Variants in DNAAF11 observed in about 807,000 individuals in gnomAD.
DNAAF11 encodes the protein dynein axonemal assembly factor 11, also known as leucine rich repeat containing 6.
A neutral mutation model predicts 60.8 loss-of-function variants in DNAAF11; 45 were observed. The ratio of observed to expected loss-of-function variants is 0.74; its 90% CI spans 0.58 to 0.95. The LOEUF (loss-of-function observed/expected upper bound fraction) is 0.95, where lower values mean the gene tolerates loss of function less well. Among genes scored for constraint, DNAAF11 ranks in the 40% least tolerant of loss-of-function variants. DNAAF11 has a pLI of 0.00. For missense variants in DNAAF11, 546 were observed against 546.2 expected, an observed-to-expected ratio of 1.00 and a Z score of 0.00; for synonymous variants, 191 against 183.5, an observed-to-expected ratio of 1.04 and a Z score of -0.33.
chr8:132,639,143 C>T (rs898197535), intron 3 of DNAAF11, among the ~76,000 whole-genome samples: 2 of 152,320 alleles, frequency 1.3e-5, no homozygotes, highest in East Asian at 1.9e-4. Flanking sequence ...TATGACTTCT[C>T]GGACAATGTA....
chr8:132,679,427 T>C (rs972910261), upstream of DNAAF11, among the ~76,000 whole-genome samples: 1 of 152,196 alleles, frequency 6.6e-6, no homozygotes, highest in Admixed American at 6.5e-5. Context: ...GGTGTCCCTG[T>C]TGTAAAGGAA....
chr8:132,606,837 A>C (rs569745159), intron 10 of DNAAF11, among the ~76,000 whole-genome samples: 1 of 152,360 alleles, frequency 6.6e-6, no homozygotes, highest in East Asian at 1.9e-4. Context: ...AGCATACAGA[A>C]TATGAGTATA....
chr8:132,572,385 C>T lies in DNAAF11; in HGVS notation c.1322G>A (p.Arg441Lys), dbSNP rs771078079. 1.2e-6 allele frequency: 2 copies of T among 1,613,960 alleles called. No homozygotes were observed. The highest frequency in any genetic ancestry group is 4.5e-5 in the East Asian group (2 of 44,878). Residue 441 changes from arginine to lysine, a missense_variant, in exon 12 of 12, where the codon AGA (arginine) becomes AAA (lysine). Arg to Lys is a conservative substitution (Grantham distance 26, BLOSUM62 2). Transcript: ENST00000620350. Reference protein sequence around the residue: ...IVQEKKHTPRRRPEPKIIPSE... With the variant: ...IVQEKKHTPRKRPEPKIIPSE... ...TGGTATAATTTTGGGTTCAGGTCGT[C>T]TTCTGGGTGTGTGTTTTTTCTCTTG...
chr8:132,588,284 C>A (rs1283552618), intron 10 of DNAAF11, among the ~76,000 whole-genome samples: 1 of 152,170 alleles, frequency 6.6e-6, no homozygotes, highest in Non-Finnish European at 1.5e-5. Context: ...ATCAGGAATA[C>A]TTGTTAAGAA....
intron 3 of DNAAF11, among the ~76,000 whole-genome samples, chr8:132,653,174 A>G (rs1434382447): frequency 6.6e-6 from 1 of 152,198 alleles, no homozygotes; most frequent in Admixed American, 6.5e-5. Flanking sequence ...TAAAAAACAC[A>G]AAAGAAAGTT....
At chr8:132,643,626 T>C (rs2130623641) in intron 3 of DNAAF11, 1 of 456,110 alleles carries the variant, frequency 2.2e-6, no homozygotes, top group East Asian at 6.9e-5. Context: ...TTGAGAACCT[T>C]GCAGATGGTG....
chr8:132,662,442 C>T (rs1198769578), intron 1 of DNAAF11, among the ~76,000 whole-genome samples: 1 of 152,124 alleles, frequency 6.6e-6, no homozygotes, highest in African/African-American at 2.4e-5. Flanking sequence ...CAAGGAGGAA[C>T]CAGGCATTTC....
intron 10 of DNAAF11, among the ~76,000 whole-genome samples, chr8:132,603,917 G>C (rs1281855819): frequency 6.6e-6 from 1 of 152,116 alleles, no homozygotes; most frequent in Non-Finnish European, 1.5e-5. Flanking sequence ...TACACATCTA[G>C]AGGGATTGCA....
chr8:132,600,254 T>C (rs1817469187), intron 10 of DNAAF11, among the ~76,000 whole-genome samples: 1 of 152,094 alleles, frequency 6.6e-6, no homozygotes. Flanking sequence ...TACAAACCAC[T>C]GCTCAACAAA....
the DNAAF11 span, among the ~76,000 whole-genome samples, chr8:132,689,190 T>C: frequency 4.6e-5 from 7 of 152,196 alleles, no homozygotes; most frequent in African/African-American, 1.7e-4. Context: ...GTAGCCTCTT[T>C]TGTAAAATGG....
intron 10 of DNAAF11, among the ~76,000 whole-genome samples, chr8:132,607,794 AATG>A (rs1227792030): frequency 1.2e-4 from 18 of 152,236 alleles, no homozygotes; most frequent in African/African-American, 3.6e-4. Flanking sequence ...TTTAGGGCTA[AATG>A]ATATTTTATC....
the DNAAF11 span, among the ~76,000 whole-genome samples, chr8:132,697,356 C>CA: frequency 6.6e-6 from 1 of 151,964 alleles, no homozygotes; most frequent in East Asian, 1.9e-4. Flanking sequence ...AAAAAATATC[C>CA]AAAATAATCC....
the DNAAF11 span, among the ~76,000 whole-genome samples, chr8:132,683,398 A>G: frequency 6.6e-6 from 1 of 152,214 alleles, no homozygotes; most frequent in African/African-American, 2.4e-5. Context: ...CTCTGAGCCC[A>G]TTGAGGCACG....
At chr8:132,661,710 T>C (rs887597555) in intron 1 of DNAAF11, 83 bp from the exon 2 acceptor site, 13 of 1,415,696 alleles carry the variant, frequency 9.2e-6, no homozygotes, top group Middle Eastern at 3.7e-4. Flanking sequence ...ATTTGTGTTT[T>C]TTTTGTTTGT....
At position 132,616,659 on chromosome 8, in the gene DNAAF11, C is replaced by T. The variant is rs960604733; in HGVS notation, c.915-1562G>A. 2.0e-5 allele frequency among the ~76,000 whole-genome samples: 3 copies of T among 152,044 alleles called. No individual in the cohort carries two copies. In the East Asian group the frequency reaches 5.8e-4, roughly 29 times the overall value. Reference sequence around the variant, plus strand: ...TGGAAATCAGGGGTTCTCTTTTAGTCGTCATAAGTGTGCAATGACTCTCTT... The same window carrying T: ...TGGAAATCAGGGGTTCTCTTTTAGTTGTCATAAGTGTGCAATGACTCTCTT... On this transcript the variant is annotated intron_variant, in intron 7 of 11. Coordinates refer to ENST00000620350, the MANE Select transcript of DNAAF11 (RefSeq NM_012472.6).
intron 1 of DNAAF11, among the ~76,000 whole-genome samples, chr8:132,670,852 G>A (rs1377218995): frequency 2.6e-5 from 4 of 152,074 alleles, no homozygotes; most frequent in African/African-American, 9.7e-5. Flanking sequence ...CTAACAAAGT[G>A]ATAATGTCAG....
chr8:132,617,493 TG>T (rs1819293982), intron 7 of DNAAF11, among the ~76,000 whole-genome samples: 1 of 152,320 alleles, frequency 6.6e-6, no homozygotes, highest in East Asian at 1.9e-4. Context: ...ACATTGATTT[TG>T]TATCCTGAGA....
chr8:132,633,118 T>C lies in DNAAF11; in HGVS notation c.430-155A>G, dbSNP rs111849474. Among the ~76,000 whole-genome samples, 524 of 152,302 alleles carry C rather than the reference T, an allele frequency of 3.4e-3. 3 individuals carry two copies. The highest frequency in any genetic ancestry group is 0.012 in the African/African-American group (492 of 41,576). On this transcript the variant is annotated intron_variant, in intron 4 of 11. Coordinates refer to ENST00000620350, the MANE Select transcript of DNAAF11 (RefSeq NM_012472.6). ...GAAATATCAGAACATTGTTCTAAAT[T>C]AATGTATATTTCATATAATTTACAC...
chr8:132,700,270 C>A, the DNAAF11 span, among the ~76,000 whole-genome samples: 2 of 152,138 alleles, frequency 1.3e-5, no homozygotes, highest in African/African-American at 2.4e-5. Context: ...CCTTGACAGA[C>A]CCAGTCAACC....
Sources: gnomAD v4.1 joint callset for allele counts (sites outside exome capture counted in the v4.1 genomes callset) on GRCh38, gnomAD v4.1.1 for gene constraint, MANE v1.5 for transcripts, NCBI Gene and HGNC (gene_info 2026-07-23, HGNC 2026-07-21) for gene names.